Variants in PRKN observed in about 807,000 individuals in gnomAD.
PRKN encodes E3 ubiquitin-protein ligase parkin.
PRKN carries 56 observed loss-of-function variants against 59.5 expected under a neutral mutation model. The observed-to-expected ratio is 0.94, with a 90% confidence interval of 0.76 to 1.18. PRKN has a LOEUF of 1.18. Ranked by LOEUF, PRKN falls within the 50% of genes most tolerant of loss-of-function variation. The probability of loss-of-function intolerance (pLI) is 0.00; values close to 1 mark genes in which losing one functional copy is unlikely to be tolerated. For synonymous variants in PRKN, 250 were observed against 222.1 expected (o/e 1.13, Z -1.12); for missense variants, 657 against 596.4 (o/e 1.10, Z -1.06).
At chr6:161,913,968 C>A (rs568315062) in intron 6 of PRKN, among the ~76,000 whole-genome samples, 1 of 152,158 alleles carries the variant, frequency 6.6e-6, no homozygotes, top group Non-Finnish European at 1.5e-5. Flanking sequence ...GGTTTCCAAT[C>A]GGCTGGAGCC....
intron 4 of PRKN, among the ~76,000 whole-genome samples, chr6:162,100,949 G>A (rs984006628): frequency 9.2e-5 from 14 of 152,004 alleles, no homozygotes; most frequent in Non-Finnish European, 8.8e-5. Flanking sequence ...TAACTATTGA[G>A]TTTTTGAGTT....
chr6:161,748,329 G>T (rs1788521829), intron 7 of PRKN, among the ~76,000 whole-genome samples: 2 of 149,624 alleles, frequency 1.3e-5, no homozygotes, highest in Admixed American at 6.7e-5. Context: ...TCTCCTTTTT[G>T]CTGATCCCGA....
chr6:162,508,704 A>C (rs1286093398), intron 1 of PRKN, among the ~76,000 whole-genome samples: 1 of 152,136 alleles, frequency 6.6e-6, no homozygotes, highest in Non-Finnish European at 1.5e-5. Flanking sequence ...TTTCAAGCCT[A>C]AGCATTTTTA....
At chr6:161,519,661 G>T (rs529188223) in intron 9 of PRKN, among the ~76,000 whole-genome samples, 1 of 152,150 alleles carries the variant, frequency 6.6e-6, no homozygotes, top group Admixed American at 6.5e-5. Context: ...TATCTGTTAC[G>T]TATTTCTTTA....
chr6:161,548,295 G>C lies in PRKN; in HGVS notation c.1083+559C>G, dbSNP rs1229124314. Among the ~76,000 whole-genome samples the C allele has an allele frequency of 1.3e-5, 2 of 152,134 alleles. No homozygotes were observed. Among genetic ancestry groups the C allele is most frequent in the African/African-American group, 4.8e-5 (2 of 41,428 alleles). On this transcript the variant is annotated intron_variant, in intron 9 of 11. Coordinates refer to ENST00000366898, the MANE Select transcript of PRKN (RefSeq NM_004562.3). The surrounding 1 kb of genome is among the most constrained non-coding windows in gnomAD (Gnocchi z 4.2). The stretch of plus-strand genomic sequence containing the variant: ...AAAAGCCGGCCAGGTCACATGGTTT[G>C]ACCTCTTAGAACAAACATTTTCCAC...
intron 3 of PRKN, among the ~76,000 whole-genome samples, chr6:162,203,377 CTA>C (rs1477666687): frequency 2.0e-5 from 3 of 152,056 alleles, no homozygotes; most frequent in Non-Finnish European, 4.4e-5. Context: ...AACAGCCAGT[CTA>C]AGGAAGATCA....
Position 161,446,462 on chromosome 6 carries a change from T to A in PRKN, c.1084-59585A>T, listed in dbSNP as rs1789498151. The stretch of plus-strand genomic sequence containing the variant: ...GCCCTCCCCGCTACCAGATGCAGAC[T>A]CTGGTGCCCTGAAGCCTGGCGTCTG... On this transcript the variant is annotated intron_variant, in intron 9 of 11. Coordinates refer to ENST00000366898, the MANE Select transcript of PRKN (RefSeq NM_004562.3). The surrounding 1 kb of genome is among the most constrained non-coding windows in gnomAD (Gnocchi z 6.2). Among the ~76,000 whole-genome samples the A allele has an allele frequency of 6.6e-6, 1 of 152,132 alleles. No individual in the cohort carries two copies. Among genetic ancestry groups the A allele is most frequent in the South Asian group, 2.1e-4 (1 of 4,826 alleles).
chr6:162,276,987 G>GA lies in PRKN; in HGVS notation c.172-14223dup, dbSNP rs575999067. 2.2e-3 allele frequency among the ~76,000 whole-genome samples: 336 copies of GA among 152,164 alleles called. 1 individual carries two copies. The highest frequency in any genetic ancestry group is 3.7e-3 in the Non-Finnish European group (249 of 68,000). On this transcript the variant is annotated intron_variant, in intron 2 of 11. Transcript: ENST00000366898. ...TGATAACAGGTTATAATACATTAAAGAAAAAATCCATGAATATATGATAAT... is the reference window on the plus strand; with the variant it reads ...TGATAACAGGTTATAATACATTAAAGAAAAAAATCCATGAATATATGATAAT...
chr6:162,010,526 ATATAT>A (rs1353912686), intron 5 of PRKN, among the ~76,000 whole-genome samples: 2 of 11,980 alleles, frequency 1.7e-4, no homozygotes, highest in Non-Finnish European at 2.3e-4. Flanking sequence ...ATATTATATA[ATATAT>A]TATATAATGT....
chr6:161,524,036 T>A (rs1036275701), intron 9 of PRKN, among the ~76,000 whole-genome samples: 4 of 152,198 alleles, frequency 2.6e-5, no homozygotes, highest in Non-Finnish European at 5.9e-5. Flanking sequence ...TCCAGATAGT[T>A]CTCATTATTT....
intron 2 of PRKN, among the ~76,000 whole-genome samples, chr6:162,337,837 A>G (rs1783915802): frequency 6.6e-6 from 1 of 152,210 alleles, no homozygotes; most frequent in Non-Finnish European, 1.5e-5. Flanking sequence ...TGTTAAATGG[A>G]ATGGGATTAT....
At chr6:161,474,069 T>C (rs757111591) in intron 9 of PRKN, among the ~76,000 whole-genome samples, 2 of 152,066 alleles carry the variant, frequency 1.3e-5, no homozygotes, top group African/African-American at 4.8e-5. Context: ...AAGAAAAAAA[T>C]GGGCGTGGAG....
chr6:162,615,826 A>G (rs930876243), intron 1 of PRKN, among the ~76,000 whole-genome samples: 1 of 152,008 alleles, frequency 6.6e-6, no homozygotes, highest in Admixed American at 6.6e-5. Flanking sequence ...CATGTGGGTA[A>G]AAAGTTTTGT....
chr6:161,971,497 C>A (rs908293854), intron 6 of PRKN, among the ~76,000 whole-genome samples: 2 of 152,186 alleles, frequency 1.3e-5, no homozygotes, highest in Non-Finnish European at 2.9e-5. Flanking sequence ...CTTTTCAATC[C>A]CTTTCCCGAA....
chr6:161,607,919 T>C (rs1270846543), intron 7 of PRKN, among the ~76,000 whole-genome samples: 1 of 152,184 alleles, frequency 6.6e-6, no homozygotes, highest in Non-Finnish European at 1.5e-5. Flanking sequence ...CAGAATGGCC[T>C]TGGACTTCAG....
At chr6:161,958,139 G>A (rs919559239) in intron 6 of PRKN, among the ~76,000 whole-genome samples, 2 of 152,198 alleles carry the variant, frequency 1.3e-5, no homozygotes, top group African/African-American at 4.8e-5. Context: ...TGGATGTCAT[G>A]TCTCTATATG....
intron 9 of PRKN, among the ~76,000 whole-genome samples, chr6:161,421,480 A>T (rs992561284): frequency 1.8e-4 from 27 of 152,198 alleles, no homozygotes; most frequent in Non-Finnish European, 2.9e-5. Context: ...TTCACTAAAA[A>T]TTAAGCAGGA....
At chr6:162,095,544 ATTAAT>A (rs939965949) in intron 4 of PRKN, among the ~76,000 whole-genome samples, 26 of 152,314 alleles carry the variant, frequency 1.7e-4, no homozygotes, top group South Asian at 1.4e-3. Flanking sequence ...TCGCTGACCT[ATTAAT>A]TTAAGTAATA....
At chr6:162,461,825 A>T (rs1388831138) in intron 1 of PRKN, among the ~76,000 whole-genome samples, 1 of 108,166 alleles carries the variant, frequency 9.2e-6, no homozygotes, top group Non-Finnish European at 2.0e-5. Flanking sequence ...GACTTCGTCT[A>T]AAAAAAAAAA....
Sources: allele counts gnomAD v4.1 joint callset (sites outside exome capture counted in the v4.1 genomes callset), GRCh38; gene constraint gnomAD v4.1.1; non-coding constraint Gnocchi (gnomAD v3.1); transcripts MANE v1.5; gene names NCBI Gene and HGNC (gene_info 2026-07-23, HGNC 2026-07-21).